Variants in NOSIP observed in about 807,000 individuals in gnomAD.
NOSIP encodes nitric oxide synthase-interacting protein.
NOSIP carries 25 observed loss-of-function variants against 36.4 expected under a neutral mutation model. That is an observed-to-expected ratio of 0.69 (90% CI 0.50 to 0.96). NOSIP has a LOEUF of 0.96. Ranked by LOEUF, NOSIP falls within the 40% of genes least tolerant of loss-of-function variation. NOSIP has a pLI of 0.00. For missense variants in NOSIP, 370 were observed against 429.0 expected (o/e 0.86, Z 1.21); for synonymous variants, 187 against 179.2 (o/e 1.04, Z -0.35).
At chr19:49,555,926 T>G in intron 8 of NOSIP, 104 bp from the exon 9 acceptor site, 2 of 818,984 alleles carry the variant, frequency 2.4e-6, no homozygotes, top group Middle Eastern at 2.3e-4. Flanking sequence ...GTGAAGCGGG[T>G]TGCTGGCTAA....
At chr19:49,576,110 G>A (rs1202424343) in intron 1 of NOSIP, among the ~76,000 whole-genome samples, 2 of 151,956 alleles carry the variant, frequency 1.3e-5, no homozygotes, top group Non-Finnish European at 2.9e-5. Flanking sequence ...ACTCCAGCCT[G>A]AGCGACAGAG....
intron 1 of NOSIP, chr19:49,579,249 TGTG>T (rs1276860149): frequency 1.3e-5 from 2 of 152,204 alleles, no homozygotes; most frequent in Admixed American, 6.6e-5. Flanking sequence ...ATGATGGTAT[TGTG>T]GTCATATCAG....
chr19:49,561,474 A>G (rs1478660899), intron 1 of NOSIP, among the ~76,000 whole-genome samples: 1 of 152,112 alleles, frequency 6.6e-6, no homozygotes, highest in African/African-American at 2.4e-5. Flanking sequence ...AGCTGTCAAC[A>G]TTTTGCCACC....
At chr19:49,557,557 G>T in intron 4 of NOSIP, 1 of 1,236,084 alleles carries the variant, frequency 8.1e-7, no homozygotes, top group Non-Finnish European at 1.0e-6. Context: ...TCACTGAAGG[G>T]TTACATAAGG....
Position 49,557,224 on chromosome 19 carries a change from C to A in NOSIP, c.284G>T (p.Arg95Leu), listed in dbSNP as rs1487476518. The change falls in exon 5 of 9, where the codon CGG (arginine) becomes CTG (leucine). Residue 95 changes from arginine (R) to leucine (L), a missense_variant. Coordinates refer to ENST00000596358, the MANE Select transcript of NOSIP (RefSeq NM_001270960.2). Reference protein sequence around the residue: ...MKAYEKQRGTRREEQKELQRA... With the variant: ...MKAYEKQRGTLREEQKELQRA... Reference sequence around the variant, plus strand: ...CTGAAGCTCCTTCTGCTCCTCGCGCCGGGTGCCCCGCTGCTTCTCGTAGGC... The same window carrying A: ...CTGAAGCTCCTTCTGCTCCTCGCGCAGGGTGCCCCGCTGCTTCTCGTAGGC... 1 of 1,594,878 alleles carries A rather than the reference C, an allele frequency of 6.3e-7. No individual in the cohort carries two copies. Among genetic ancestry groups the A allele is most frequent in the African/African-American group, 1.3e-5 (1 of 74,830 alleles).
chr19:49,560,330 T>C lies in NOSIP; in HGVS notation c.71-291A>G. 1.7e-6 allele frequency: 1 copy of C among 575,734 alleles called. No homozygotes were observed. Among genetic ancestry groups the C allele is most frequent in the South Asian group, 2.1e-5 (1 of 48,390 alleles). 35.7% of individuals were successfully genotyped at this position (575,734 alleles called of 1,614,324 possible). A position where few individuals can be genotyped will look rare whatever the true frequency, so the allele number is the denominator to read the frequency against. ...CCTTCTGACTGTGACCAAGCTCAAG[T>C]GCCTGTCCCTCTTTGGGCCTCAGTT... On this transcript the variant is annotated intron_variant, in intron 2 of 8. Transcript: ENST00000596358. This position sits in a 1 kb window ranked among gnomAD's most constrained non-coding sequence, Gnocchi z 4.6.
chr19:49,567,599 G>A lies in NOSIP; in HGVS notation c.-1-6907C>T, dbSNP rs113980263. On this transcript the variant is annotated intron_variant, in intron 1 of 8. Transcript: ENST00000596358. ...TCCTGCACCATGCTGTGGAAAATGT[G>A]CCATCAGTGAGAGACTGGGAGAAGA... 2.2e-3 allele frequency among the ~76,000 whole-genome samples: 329 copies of A among 152,262 alleles called. 5 individuals are homozygous for A. Among genetic ancestry groups the A allele is most frequent in the African/African-American group, 7.5e-3 (310 of 41,558 alleles).
chr19:49,575,115 G>A lies in NOSIP; in HGVS notation c.-2+5400C>T, dbSNP rs550599549. On this transcript the variant is annotated intron_variant, in intron 1 of 8. Transcript: ENST00000596358. ...CCTGACTTCGTGATCTGCCCACCTC[G>A]GCCTCCCAAAGTGCTGGGATTACAG... is the stretch of plus-strand genomic sequence containing the variant. Among the ~76,000 whole-genome samples the A allele has an allele frequency of 6.6e-5, 10 of 151,860 alleles. No homozygotes were observed. The East Asian group carries it at 1.6e-3, about 24-fold the overall frequency.
rs751441811 is a variant in NOSIP at position 49,556,610 on chromosome 19, C to T, written c.664G>A (p.Val222Met). 2.0e-5 allele frequency: 32 copies of T among 1,607,738 alleles called. No homozygotes were observed. The highest frequency in any genetic ancestry group is 5.9e-6 in the Non-Finnish European group (7 of 1,179,754). The change falls in exon 7 of 9, where the codon GTG becomes ATG. Residue 222 changes from valine to methionine, a missense_variant. Physicochemically the swap from Val to Met is conservative, Grantham distance 21. Transcript: ENST00000596358. ...VGLITRSERYVCAVTRDSLSN... is the reference protein window; with the variant it reads ...VGLITRSERYMCAVTRDSLSN... ...AGGCTGTCGCGGGTCACGGCACACA[C>T]GTAGCGCTCGCTGCGGGTGATGAGC...
intron 1 of NOSIP, among the ~76,000 whole-genome samples, chr19:49,573,508 G>A (rs2080512850): frequency 6.6e-6 from 1 of 152,144 alleles, no homozygotes; most frequent in Admixed American, 6.6e-5. Flanking sequence ...CCTGGCACCT[G>A]GGAGGTCTCA....
intron 1 of NOSIP, among the ~76,000 whole-genome samples, chr19:49,563,243 A>G (rs1426720955): frequency 6.6e-6 from 1 of 151,208 alleles, no homozygotes; most frequent in Non-Finnish European, 1.5e-5. Flanking sequence ...TGGTACAATC[A>G]CAGCTCACTG....
At position 49,556,998 on chromosome 19, in the gene NOSIP, G is replaced by C. The variant is rs376575345; in HGVS notation, c.419-5C>G. The C allele has an allele frequency of 1.2e-6, 2 of 1,604,452 alleles. No homozygotes were observed. Among genetic ancestry groups the C allele is most frequent in the Non-Finnish European group, 1.7e-6 (2 of 1,175,172 alleles). On this transcript the variant is annotated splice_polypyrimidine_tract_variant and splice_region_variant and intron_variant, in intron 5 of 8. Coordinates refer to ENST00000596358, the MANE Select transcript of NOSIP (RefSeq NM_001270960.2). Reference sequence around the variant, plus strand: ...TGGGCCCAGGTTGGACATCATCTGTGGGGGAAGGAAGGGACTCAGATGCCG... The same window carrying C: ...TGGGCCCAGGTTGGACATCATCTGTCGGGGAAGGAAGGGACTCAGATGCCG...
At position 49,564,625 on chromosome 19, in the gene NOSIP, T is replaced by C. The variant is rs140348821; in HGVS notation, c.-1-3933A>G. ...CAGCACAACCACTTTGGAAAGCAAC[T>C]GTCAGTATCTACTGAAGCCAGGCAT... On this transcript the variant is annotated intron_variant, in intron 1 of 8. Coordinates refer to ENST00000596358, the MANE Select transcript of NOSIP (RefSeq NM_001270960.2). 1.5e-3 allele frequency among the ~76,000 whole-genome samples: 224 copies of C among 152,132 alleles called. 1 individual carries two copies. The highest frequency in any genetic ancestry group is 5.0e-3 in the African/African-American group (209 of 41,482).
At chr19:49,567,983 G>A (rs1437647663) in intron 1 of NOSIP, among the ~76,000 whole-genome samples, 2 of 151,970 alleles carry the variant, frequency 1.3e-5, no homozygotes, top group Admixed American at 6.6e-5. Flanking sequence ...CAACCAACAA[G>A]GGACTAATAT....
intron 1 of NOSIP, among the ~76,000 whole-genome samples, chr19:49,569,530 G>C (rs1271132066): frequency 6.8e-6 from 1 of 147,430 alleles, no homozygotes; most frequent in African/African-American, 2.5e-5. Context: ...CATTTGGCCG[G>C]GCACGGTGGC....
intron 1 of NOSIP, among the ~76,000 whole-genome samples, chr19:49,578,737 C>G (rs2080585396): frequency 6.6e-6 from 1 of 151,498 alleles, no homozygotes; most frequent in Non-Finnish European, 1.5e-5. Flanking sequence ...AGCTCTGCCT[C>G]CCGGGTTCAC....
At chr19:49,571,900 G>A (rs4316869) in intron 1 of NOSIP, among the ~76,000 whole-genome samples, 10 of 147,370 alleles carry the variant, frequency 6.8e-5, no homozygotes, top group Middle Eastern at 3.3e-3. Flanking sequence ...CAGAAGAATC[G>A]CTTGAACCCA....
intron 1 of NOSIP, among the ~76,000 whole-genome samples, chr19:49,563,766 A>G (rs576508124): frequency 6.6e-6 from 1 of 152,266 alleles, no homozygotes; most frequent in Non-Finnish European, 1.5e-5. Flanking sequence ...AAGTGCTGGG[A>G]TTACAGGTGT....
Position 49,560,414 on chromosome 19 carries a change from T to C in NOSIP, c.70+208A>G, listed in dbSNP as rs1455854325. ...CTCCCTGACACTCTGTTGGGAGGAG[T>C]GAGTTCATGCGCAGAAGGCAGAGAA... On this transcript the variant is annotated intron_variant, in intron 2 of 8. Coordinates refer to ENST00000596358, the MANE Select transcript of NOSIP (RefSeq NM_001270960.2). This position sits in a 1 kb window ranked among gnomAD's most constrained non-coding sequence, Gnocchi z 4.6. 12 of 593,562 alleles carry C rather than the reference T, an allele frequency of 2.0e-5. No homozygotes were observed. The allele number at this position is 593,562 out of a possible 1,614,324, so 36.8% of individuals were successfully genotyped here.
Sources: gnomAD v4.1 joint callset for allele counts (sites outside exome capture counted in the v4.1 genomes callset) on GRCh38, gnomAD v4.1.1 for gene constraint, Gnocchi (gnomAD v3.1) non-coding constraint, MANE v1.5 for transcripts, NCBI Gene and HGNC (gene_info 2026-07-23, HGNC 2026-07-21) for gene names.